TFEC: variants seen among roughly 807,000 people sequenced by gnomAD.
The protein encoded by TFEC is transcription factor EC.
A neutral mutation model predicts 41.6 loss-of-function variants in TFEC; 31 were observed. That is an observed-to-expected ratio of 0.74 (90% confidence interval 0.56 to 1.01). The LOEUF is 1.01. TFEC is among the 50% of genes least tolerant of loss of function. The pLI, the probability that TFEC is intolerant of heterozygous loss-of-function variation, is 0.00. For missense variants in TFEC, 402 were observed against 404.1 expected, an observed-to-expected ratio of 0.99 and a Z score of 0.04; for synonymous variants, 143 against 140.6, an observed-to-expected ratio of 1.02 and a Z score of -0.12.
intron 1 of TFEC, among the ~76,000 whole-genome samples, chr7:116,136,586 A>G (rs1365598984): frequency 6.6e-6 from 1 of 151,956 alleles, no homozygotes; most frequent in Non-Finnish European, 1.5e-5. Flanking sequence ...AATAAATCAT[A>G]GTATGTTTTC....
At chr7:115,944,013 A>ATTTTTTTTTTTGTTTTTTTTTTTT (rs1793650639) in intron 6 of TFEC, among the ~76,000 whole-genome samples, 1 of 22,830 alleles carries the variant, frequency 4.4e-5, no homozygotes, top group African/African-American at 1.2e-4. Context: ...ACAGGTCTGA[A>ATTTTTTTTTTTGTTTTTTTTTTTT]TTTTTTTTTT....
At chr7:116,081,163 G>T (rs188069929) in intron 3 of TFEC, among the ~76,000 whole-genome samples, 2 of 152,068 alleles carry the variant, frequency 1.3e-5, no homozygotes, top group Admixed American at 6.6e-5. Context: ...TGGGAGATAA[G>T]CTATGAGGAC....
At chr7:116,140,768 AGTGC>A in intron 1 of TFEC, among the ~76,000 whole-genome samples, 1 of 152,194 alleles carries the variant, frequency 6.6e-6, no homozygotes, top group Admixed American at 6.5e-5. Context: ...CACACTCTGT[AGTGC>A]ATTATGTGCA....
intron 3 of TFEC, among the ~76,000 whole-genome samples, chr7:116,079,185 T>C (rs966399583): frequency 9.9e-5 from 15 of 151,896 alleles, no homozygotes; most frequent in Non-Finnish European, 1.9e-4. Context: ...TACCTTAAGG[T>C]AATAAAAGCC....
intron 3 of TFEC, among the ~76,000 whole-genome samples, chr7:116,040,032 A>AAG (rs1795999226): frequency 6.6e-6 from 1 of 152,126 alleles, no homozygotes; most frequent in Non-Finnish European, 1.5e-5. Context: ...GACCTGGACA[A>AAG]AGAGAGAGAG....
At position 115,944,013 on chromosome 7, in the gene TFEC, A is replaced by ATTTTTTTTTT. The variant is rs1160114562; in HGVS notation, c.516-1983_516-1974dup. 1.2e-3 allele frequency among the ~76,000 whole-genome samples: 27 copies of ATTTTTTTTTT among 22,828 alleles called. 3 individuals carry two copies. Among genetic ancestry groups the ATTTTTTTTTT allele is most frequent in the South Asian group, 3.4e-3 (2 of 582 alleles). The allele number at this position is 22,828 out of a possible 152,430, so 15.0% of individuals were successfully genotyped here. On this transcript the variant is annotated intron_variant, in intron 6 of 7. Transcript: ENST00000265440. Reference sequence around the variant, plus strand: ...GAAAATAATACTATGACAGGTCTGAATTTTTTTTTTTTTTTTTTTTTTTTT... The same window carrying ATTTTTTTTTT: ...GAAAATAATACTATGACAGGTCTGAATTTTTTTTTTTTTTTTTTTTTTTTTTTTTTTTTTT...
chr7:116,021,382 T>C (rs533342087), intron 1 of TFEC, among the ~76,000 whole-genome samples: 3 of 152,324 alleles, frequency 2.0e-5, no homozygotes, highest in East Asian at 3.9e-4. Flanking sequence ...AAGAGGATAA[T>C]GCCTTATTAG....
At chr7:116,155,855 G>A (rs529896647) in intron 1 of TFEC, among the ~76,000 whole-genome samples, 1 of 152,262 alleles carries the variant, frequency 6.6e-6, no homozygotes, top group African/African-American at 2.4e-5. Context: ...CCAGCTCTCA[G>A]ATCAGCTTTA....
Position 116,040,863 on chromosome 7 carries a change from A to G in TFEC, c.199-56350T>C, listed in dbSNP as rs183908128. 1.0e-3 allele frequency among the ~76,000 whole-genome samples: 159 copies of G among 152,314 alleles called. 1 individual carries two copies. The highest frequency in any genetic ancestry group is 1.8e-3 in the Admixed American group (28 of 15,294). On this transcript the variant is annotated intron_variant, in intron 3 of 8. Transcript: ENST00000484212. Reference sequence around the variant, plus strand: ...ATTGTGATTCTTACGTCAAATGGTAAAGAATAACATTAGATTATTCGCTTT... The same window carrying G: ...ATTGTGATTCTTACGTCAAATGGTAGAGAATAACATTAGATTATTCGCTTT...
chr7:116,050,600 C>T (rs866819039), intron 3 of TFEC, among the ~76,000 whole-genome samples: 1 of 152,186 alleles, frequency 6.6e-6, no homozygotes, highest in South Asian at 2.1e-4. Flanking sequence ...CAATGAGATA[C>T]CATCTCACAC....
At chr7:115,983,324 T>C (rs1464363516) in intron 2 of TFEC, among the ~76,000 whole-genome samples, 1 of 152,126 alleles carries the variant, frequency 6.6e-6, no homozygotes, top group East Asian at 1.9e-4. Flanking sequence ...TTTTCCAGGT[T>C]AACATAAAAT....
At chr7:116,035,035 T>G (rs1013535843), upstream of TFEC, among the ~76,000 whole-genome samples, 2 of 151,854 alleles carry the variant, frequency 1.3e-5, no homozygotes, top group African/African-American at 4.8e-5. Flanking sequence ...GTTTTCTGTT[T>G]AATTTCAATC....
intron 1 of TFEC, among the ~76,000 whole-genome samples, chr7:116,118,812 C>A (rs527894100): frequency 1.3e-5 from 2 of 151,728 alleles, no homozygotes; most frequent in Non-Finnish European, 2.9e-5. Flanking sequence ...GTGAGTTATC[C>A]AAGGGAGAAT....
intron 1 of TFEC, among the ~76,000 whole-genome samples, chr7:116,013,841 T>C (rs1795094164): frequency 1.3e-5 from 2 of 152,154 alleles, no homozygotes. Flanking sequence ...GAACTTGACA[T>C]AGTCACTCAT....
intron 1 of TFEC, among the ~76,000 whole-genome samples, chr7:116,135,225 ATC>A (rs1798411672): frequency 6.6e-6 from 1 of 152,156 alleles, no homozygotes; most frequent in South Asian, 2.1e-4. Context: ...TATAAATATA[ATC>A]CATGTTAAAG....
intron 3 of TFEC, among the ~76,000 whole-genome samples, chr7:116,097,869 T>A (rs1797504666): frequency 6.6e-6 from 1 of 151,936 alleles, no homozygotes; most frequent in Admixed American, 6.6e-5. Flanking sequence ...TGTAAATAAA[T>A]CAAAATGAAA....
Position 116,030,645 on chromosome 7 carries a change from G to T in TFEC, c.-85C>A, listed in dbSNP as rs566803918. The T allele has an allele frequency of 3.1e-5, 31 of 985,362 alleles. 1 individual carries two copies. In the Middle Eastern group the frequency reaches 1.6e-3, roughly 50 times the overall value. 61.0% of individuals were successfully genotyped at this position (985,362 alleles called of 1,614,324 possible). On this transcript the variant is annotated 5_prime_UTR_variant, in exon 1 of 8. Transcript: ENST00000265440. ...TTTAGTTACCTACCAGCAATGAGTG[G>T]ATTTTATCAGTGTTGTCATCTCTAC... is the stretch of plus-strand genomic sequence containing the variant.
At chr7:116,091,563 T>C (rs1584504513) in intron 3 of TFEC, among the ~76,000 whole-genome samples, 1 of 152,134 alleles carries the variant, frequency 6.6e-6, no homozygotes, top group African/African-American at 2.4e-5. Flanking sequence ...TTACAAGATG[T>C]TTCCGTAAGA....
Position 116,048,505 on chromosome 7 carries a change from T to C in TFEC, c.198+62203A>G, listed in dbSNP as rs188096421. Among the ~76,000 whole-genome samples the C allele has an allele frequency of 9.8e-5, 15 of 152,336 alleles. No individual in the cohort carries two copies. The East Asian group carries it at 2.1e-3, about 22-fold the overall frequency. ...ATGAAAAGACCAAATCTACATCTGA[T>C]TGGTGTACCTGAAAGTGACAGGGAG... On this transcript the variant is annotated intron_variant, in intron 3 of 8. Coordinates refer to the TFEC transcript ENST00000484212.
Sources: gnomAD v4.1 joint callset for allele counts (sites outside exome capture counted in the v4.1 genomes callset) on GRCh38, gnomAD v4.1.1 for gene constraint, MANE v1.5 for transcripts, NCBI Gene and HGNC (gene_info 2026-07-23, HGNC 2026-07-21) for gene names.